The following WDR44 variants were observed in gnomAD, a reference collection of about 807,000 sequenced individuals.
The protein encoded by WDR44 is WD repeat-containing protein 44.
In WDR44, 9 loss-of-function variants were observed where a neutral mutation model predicts 65.7. The observed-to-expected ratio is 0.14, with a 90% CI of 0.08 to 0.24. The LOEUF is 0.24. Among genes scored for constraint, WDR44 ranks in the 10% least tolerant of loss-of-function variants. WDR44 has a pLI of 1.00. For missense variants in WDR44, 425 were observed against 670.9 expected (o/e 0.63, Z 4.05); for synonymous variants, 220 against 235.2 (o/e 0.94, Z 0.59).
At chrX:118,428,133 C>T (rs1000843894) in intron 12 of WDR44, among the ~76,000 whole-genome samples, 6 of 109,218 alleles carry the variant, frequency 5.5e-5, no homozygotes, top group Non-Finnish European at 7.6e-5. Flanking sequence ...ACTAAAAATA[C>T]AAAAAGTAGC....
rs778358197 is a variant in WDR44 at position 118,382,359 on chromosome X, A to G, written c.111+3907A>G. On this transcript the variant is annotated intron_variant, in intron 2 of 19. Coordinates refer to ENST00000254029, the MANE Select transcript of WDR44 (RefSeq NM_019045.5). ...CAAGAGGCAGTTAAAATGTCAAGAC[A>G]TGAGACTCCAACAAAGGGAACAGCA... Among the ~76,000 whole-genome samples the G allele has an allele frequency of 4.5e-3, 504 of 112,239 alleles. 1 individual carries two copies. The highest frequency in any genetic ancestry group is 0.015 in the African/African-American group (473 of 30,933).
chrX:118,419,614 C>T (rs1313730500), intron 12 of WDR44, among the ~76,000 whole-genome samples: 2 of 111,598 alleles, frequency 1.8e-5, no homozygotes, highest in Admixed American at 9.5e-5. Context: ...TTCTTGCAGT[C>T]GATCTGCAGC....
intron 1 of WDR44, among the ~76,000 whole-genome samples, chrX:118,365,606 A>G (rs1317458375): frequency 2.7e-5 from 3 of 112,340 alleles, no homozygotes; most frequent in Non-Finnish European, 5.6e-5. Context: ...AATTTAGTAG[A>G]TATGCCATCA....
intron 1 of WDR44, among the ~76,000 whole-genome samples, chrX:118,359,738 ATTAG>A (rs2056495165): frequency 1.8e-5 from 2 of 112,428 alleles, no homozygotes; most frequent in African/African-American, 6.5e-5. Flanking sequence ...TAAAATAATT[ATTAG>A]TTAATTTTAG....
chrX:118,401,664 CTTTAG>C (rs1481081132), intron 8 of WDR44, among the ~76,000 whole-genome samples: 2 of 84,237 alleles, frequency 2.4e-5, no homozygotes, highest in Non-Finnish European at 4.4e-5. Flanking sequence ...TGCAGAAGCT[CTTTAG>C]TTTAATTAGA....
intron 1 of WDR44, among the ~76,000 whole-genome samples, chrX:118,360,680 CCTT>C (rs2056503940): frequency 8.9e-6 from 1 of 112,155 alleles, no homozygotes; most frequent in African/African-American, 3.2e-5. Flanking sequence ...AATCCTAGCG[CCTT>C]CTTTGTACAG....
At chrX:118,394,253 G>T in intron 5 of WDR44, 68 bp downstream of exon 5, 1 of 1,181,211 alleles carries the variant, frequency 8.5e-7, no homozygotes, top group African/African-American at 1.8e-5. Flanking sequence ...GTTTGTTGAT[G>T]ATTATTCTGT....
At chrX:118,378,522 C>T (rs1001835181) in intron 2 of WDR44, 70 bp downstream of exon 2, 11 of 1,047,372 alleles carry the variant, frequency 1.1e-5, no homozygotes, top group Non-Finnish European at 1.4e-5. Context: ...TTGTGTAATT[C>T]TTCATTTTCT....
chrX:118,379,278 T>G (rs1054694891), intron 2 of WDR44, among the ~76,000 whole-genome samples: 5 of 111,373 alleles, frequency 4.5e-5, no homozygotes, highest in Admixed American at 9.7e-5. Context: ...ATATGTATAT[T>G]TATATGTATG....
chrX:118,377,725 T>C (rs867761501), intron 1 of WDR44, among the ~76,000 whole-genome samples: 32 of 97,004 alleles, frequency 3.3e-4, no homozygotes, highest in African/African-American at 1.0e-3. Context: ...TTCTCTCTCT[T>C]TTTTTTTTTT....
intron 14 of WDR44, among the ~76,000 whole-genome samples, chrX:118,438,113 G>T (rs2057269704): frequency 9.0e-6 from 1 of 111,567 alleles, no homozygotes; most frequent in Non-Finnish European, 1.9e-5. Context: ...GGAGGCTGAG[G>T]TGGGAGGATG....
chrX:118,375,674 TA>T (rs2056653456), intron 1 of WDR44, among the ~76,000 whole-genome samples: 1 of 111,844 alleles, frequency 8.9e-6, no homozygotes, highest in Non-Finnish European at 1.9e-5. Flanking sequence ...CAACTCTAGA[TA>T]AACAGGATTT....
chrX:118,369,223 G>A (rs1272389332), intron 1 of WDR44, among the ~76,000 whole-genome samples: 1 of 110,315 alleles, frequency 9.1e-6, no homozygotes, highest in Admixed American at 9.7e-5. Flanking sequence ...CCAGGCGGGA[G>A]TGCAGTGGCC....
At chrX:118,398,514 T>TA in intron 8 of WDR44, 44 bp downstream of exon 8, 2 of 1,038,857 alleles carry the variant, frequency 1.9e-6, no homozygotes. Context: ...AGTTTTTATT[T>TA]AAAAAAATAT....
intron 2 of WDR44, among the ~76,000 whole-genome samples, chrX:118,381,060 C>G (rs180904371): frequency 8.9e-5 from 10 of 111,952 alleles, no homozygotes; most frequent in Non-Finnish European, 9.4e-5. Context: ...TGTGATGAGC[C>G]TTGAATGTCA....
chrX:118,386,601 T>C (rs1014748908), intron 2 of WDR44: 4 of 278,360 alleles, frequency 1.4e-5, no homozygotes, highest in African/African-American at 5.9e-5. Flanking sequence ...TTCTGTGTTA[T>C]AAACTTTTGT....
chrX:118,426,590 C>T, intron 12 of WDR44, among the ~76,000 whole-genome samples: 1 of 109,910 alleles, frequency 9.1e-6, no homozygotes, highest in Non-Finnish European at 1.9e-5. Context: ...CCTGTGGTCC[C>T]ACCTACTCAG....
At chrX:118,373,310 A>G (rs1025867149) in intron 1 of WDR44, among the ~76,000 whole-genome samples, 5 of 111,372 alleles carry the variant, frequency 4.5e-5, no homozygotes, top group Non-Finnish European at 9.4e-5. Flanking sequence ...TTGTTTAAGA[A>G]GATATTTTCA....
chrX:118,410,907 C>A lies in WDR44; in HGVS notation c.1685C>A (p.Pro562Gln). ...ATGTTGTTTTTAGGACGTGTGTCCC[C>A]ATCACCCTCTCAGGAAAGTCTAAGT... ...MKYNTEGRVSPSPSQESLSSS... is the reference protein window; with the variant it reads ...MKYNTEGRVSQSPSQESLSSS... The change falls in exon 12 of 20, where the codon CCA (proline) becomes CAA (glutamine). Residue 562 changes from proline (P) to glutamine (Q), a missense_variant. Coordinates refer to ENST00000254029, the MANE Select transcript of WDR44 (RefSeq NM_019045.5). The A allele has an allele frequency of 8.3e-7, 1 of 1,202,891 alleles. No homozygotes were observed. The highest frequency in any genetic ancestry group is 1.8e-5 in the South Asian group (1 of 55,217).
Sources: gnomAD v4.1 joint callset for allele counts (sites outside exome capture counted in the v4.1 genomes callset) on GRCh38, gnomAD v4.1.1 for gene constraint, MANE v1.5 for transcripts, NCBI Gene and HGNC (gene_info 2026-07-23, HGNC 2026-07-21) for gene names.